SWAP70: variants seen among roughly 807,000 people sequenced by gnomAD.
The protein encoded by SWAP70 is switch-associated protein 70.
SWAP70 carries 34 observed loss-of-function variants against 80.2 expected under a neutral mutation model. The observed-to-expected ratio is 0.42, with a 90% CI of 0.32 to 0.56. The LOEUF is 0.56. SWAP70 is among the 20% of genes least tolerant of loss of function. SWAP70 has a pLI of 0.09. For missense variants in SWAP70, 578 were observed against 690.7 expected (o/e 0.84, Z 1.83); for synonymous variants, 239 against 238.5 (o/e 1.00, Z -0.02).
intron 3 of SWAP70, among the ~76,000 whole-genome samples, chr11:9,715,829 A>G (rs1328474465): frequency 2.0e-5 from 3 of 152,186 alleles, no homozygotes; most frequent in Admixed American, 2.0e-4. Context: ...GCCAAACCAT[A>G]TCACTGCCCC....
At position 9,705,669 on chromosome 11, in the gene SWAP70, C is replaced by G. The variant is rs537805174; in HGVS notation, c.241-7797C>G. The stretch of plus-strand genomic sequence containing the variant: ...TTGGTGATCTGTATACACTGGTGAT[C>G]TGTGTACACTTGGTGATCTGTATGC... On this transcript the variant is annotated intron_variant, in intron 2 of 11. Transcript: ENST00000318950. Among the ~76,000 whole-genome samples the G allele has an allele frequency of 8.3e-5, 12 of 144,026 alleles. 1 individual carries two copies. The highest frequency in any genetic ancestry group is 3.1e-4 in the African/African-American group (11 of 35,496). 94.5% of individuals were successfully genotyped at this position (144,026 alleles called of 152,430 possible). A position where few individuals can be genotyped will look rare whatever the true frequency, so the allele number is the denominator to read the frequency against.
chr11:9,685,170 G>A (rs573338964), intron 1 of SWAP70, among the ~76,000 whole-genome samples: 1 of 151,326 alleles, frequency 6.6e-6, no homozygotes, highest in African/African-American at 2.4e-5. Flanking sequence ...CTGGAGTGCA[G>A]TAGCACCATC....
At position 9,683,143 on chromosome 11, in the gene SWAP70, T is replaced by TAATTCCAGC. The variant is rs1174545975; in HGVS notation, c.100-11001_100-10993dup. Among the ~76,000 whole-genome samples, 24 of 152,204 alleles carry TAATTCCAGC rather than the reference T, an allele frequency of 1.6e-4. 1 individual carries two copies. Among genetic ancestry groups the TAATTCCAGC allele is most frequent in the Non-Finnish European group, 2.9e-4 (20 of 68,030 alleles). ...GGCTGGGTACGCTGGCGCATGCCTGTAATTCCAGCACTTGTGAGGCTGAGG... is the reference window on the plus strand; with the variant it reads ...GGCTGGGTACGCTGGCGCATGCCTGTAATTCCAGCAATTCCAGCACTTGTGAGGCTGAGG... On this transcript the variant is annotated intron_variant, in intron 1 of 11. Transcript: ENST00000318950.
rs144577217 is a variant in SWAP70, at chr11:9,721,632, T to A, written c.415-3026T>A. Reference sequence around the variant, plus strand: ...GACTACAGGCATGTACCACCACACCTGGCTAACTTTTTAATTTTTCTGTAA... The same window carrying A: ...GACTACAGGCATGTACCACCACACCAGGCTAACTTTTTAATTTTTCTGTAA... On this transcript the variant is annotated intron_variant, in intron 3 of 11. Transcript: ENST00000318950. Among the ~76,000 whole-genome samples, 615 of 152,094 alleles carry A rather than the reference T, an allele frequency of 4.0e-3. 3 individuals are homozygous for A. Among genetic ancestry groups the A allele is most frequent in the African/African-American group, 0.014 (589 of 41,492 alleles).
chr11:9,695,769 GA>G (rs201335510), intron 2 of SWAP70, among the ~76,000 whole-genome samples: 23 of 150,366 alleles, frequency 1.5e-4, no homozygotes, highest in Non-Finnish European at 2.5e-4. Context: ...GTTTTTAGAA[GA>G]AAAAAAAATC....
chr11:9,748,481 A>G (rs569880475), intron 10 of SWAP70, among the ~76,000 whole-genome samples: 1 of 152,204 alleles, frequency 6.6e-6, no homozygotes, highest in Non-Finnish European at 1.5e-5. Context: ...GGGTGCACAG[A>G]TGGCAGAAAA....
At chr11:9,713,338 A>C in intron 2 of SWAP70, 128 bp from the exon 3 acceptor site, 1 of 919,626 alleles carries the variant, frequency 1.1e-6, no homozygotes, top group Non-Finnish European at 1.6e-6. Context: ...AATATGTAGG[A>C]TATGGCTGTT....
chr11:9,709,280 A>G (rs574952311), intron 2 of SWAP70, among the ~76,000 whole-genome samples: 9 of 147,356 alleles, frequency 6.1e-5, no homozygotes, highest in African/African-American at 2.3e-4. Context: ...ACATGCCAAC[A>G]TGCTCAGCTA....
intron 1 of SWAP70, among the ~76,000 whole-genome samples, chr11:9,670,100 G>C (rs1456408258): frequency 3.3e-5 from 5 of 152,092 alleles, no homozygotes; most frequent in Non-Finnish European, 7.4e-5. Context: ...TACTCCAGCT[G>C]GGGCGACATA....
intron 2 of SWAP70, among the ~76,000 whole-genome samples, chr11:9,694,555 T>C (rs1429609267): frequency 6.6e-6 from 1 of 152,170 alleles, no homozygotes; most frequent in East Asian, 1.9e-4. Context: ...ACCTATTCTC[T>C]CTCAGGGTGC....
intron 4 of SWAP70, among the ~76,000 whole-genome samples, chr11:9,725,239 A>C (rs1421969289): frequency 6.6e-6 from 1 of 151,786 alleles, no homozygotes; most frequent in Non-Finnish European, 1.5e-5. Context: ...CGGCCTCCCA[A>C]AGTGCTGGGA....
At chr11:9,734,230 T>C (rs1851336075) in intron 7 of SWAP70, among the ~76,000 whole-genome samples, 1 of 152,234 alleles carries the variant, frequency 6.6e-6, no homozygotes. Context: ...AAACCACTGA[T>C]CAATTCTCTG....
chr11:9,705,309 ATAC>A (rs1430183413), intron 2 of SWAP70, among the ~76,000 whole-genome samples: 5 of 141,046 alleles, frequency 3.5e-5, no homozygotes, highest in African/African-American at 1.1e-4. Flanking sequence ...TGATCTGTGT[ATAC>A]TTGGTGATCT....
intron 2 of SWAP70, among the ~76,000 whole-genome samples, chr11:9,703,845 G>T (rs1382298692): frequency 6.6e-6 from 1 of 152,206 alleles, no homozygotes; most frequent in Non-Finnish European, 1.5e-5. Flanking sequence ...TGATTTCAAA[G>T]AATTCATGAT....
chr11:9,706,597 A>G (rs1245746242), intron 2 of SWAP70, among the ~76,000 whole-genome samples: 1 of 152,068 alleles, frequency 6.6e-6, no homozygotes, highest in Admixed American at 6.6e-5. Context: ...GGAAGCCACC[A>G]TCCTGAATTT....
chr11:9,690,755 G>GA (rs1012405264), intron 1 of SWAP70, among the ~76,000 whole-genome samples: 8 of 151,680 alleles, frequency 5.3e-5, no homozygotes, highest in African/African-American at 7.2e-5. Flanking sequence ...TCTTAAAAAA[G>GA]AAAAAAATAC....
At chr11:9,744,620 A>G (rs568033928) in intron 9 of SWAP70, among the ~76,000 whole-genome samples, 17 of 152,188 alleles carry the variant, frequency 1.1e-4, no homozygotes, top group Non-Finnish European at 2.5e-4. Context: ...AGAATACTCA[A>G]GTTATTGGCC....
At chr11:9,743,964 A>ATTTT (rs71034739) in intron 9 of SWAP70, among the ~76,000 whole-genome samples, 2 of 146,638 alleles carry the variant, frequency 1.4e-5, no homozygotes. Flanking sequence ...AGATCTTGTA[A>ATTTT]TTTTTTTTTT....
chr11:9,718,263 C>T (rs1851090943), intron 3 of SWAP70, among the ~76,000 whole-genome samples: 1 of 152,218 alleles, frequency 6.6e-6, no homozygotes, highest in Non-Finnish European at 1.5e-5. Flanking sequence ...CTCATCATTT[C>T]TTCTGGTTAG....
Sources: gnomAD v4.1 joint callset for allele counts (sites outside exome capture counted in the v4.1 genomes callset) on GRCh38, gnomAD v4.1.1 for gene constraint, MANE v1.5 for transcripts, NCBI Gene and HGNC (gene_info 2026-07-23, HGNC 2026-07-21) for gene names.